The following MAGI1 variants were observed in gnomAD, a reference collection of about 807,000 sequenced individuals.
The protein encoded by MAGI1 is membrane-associated guanylate kinase, WW and PDZ domain-containing protein 1.
Under a neutral mutation model 139.9 loss-of-function variants are expected in MAGI1, and 58 were observed. The observed-to-expected ratio is 0.41, with a 90% CI of 0.34 to 0.52. The LOEUF (loss-of-function observed/expected upper bound fraction) is 0.52. Among genes scored for constraint, MAGI1 ranks in the 20% least tolerant of loss-of-function variants. The pLI is 0.12. For missense variants in MAGI1, 1,874 were observed against 1,901.6 expected (o/e 0.99, Z 0.27); for synonymous variants, 812 against 737.9 (o/e 1.10, Z -1.63).
Position 65,550,386 on chromosome 3 carries a change from T to C in MAGI1, c.431-56755A>G, listed in dbSNP as rs571641736. 9.8e-5 allele frequency among the ~76,000 whole-genome samples: 15 copies of C among 152,308 alleles called. No homozygotes were observed. In the East Asian group the frequency reaches 2.9e-3, roughly 29 times the overall value. ...CATGCTACTGTTTTTAGTAAACTTC[T>C]AAGGCCAAGAGGGCATCACACCCTT... On this transcript the variant is annotated intron_variant, in intron 2 of 22. Coordinates refer to ENST00000402939, the MANE Select transcript of MAGI1 (RefSeq NM_001033057.2).
intron 1 of MAGI1, among the ~76,000 whole-genome samples, chr3:65,808,049 G>T (rs1455682060): frequency 6.6e-6 from 1 of 151,274 alleles, no homozygotes; most frequent in African/African-American, 2.4e-5. Flanking sequence ...AGGCTGGAGT[G>T]ATCTTGGCTC....
In MAGI1 at chr3:65,551,350, G is replaced by C. The variant is rs147822890; in HGVS notation, c.431-57719C>G. The stretch of plus-strand genomic sequence containing the variant: ...GAGTCTCACACGGTCACCCAGGCTG[G>C]AGTGCAGTCGCATGATCTTGGCTCA... On this transcript the variant is annotated intron_variant, in intron 2 of 22. Coordinates refer to ENST00000402939, the MANE Select transcript of MAGI1 (RefSeq NM_001033057.2). 5.6e-3 allele frequency among the ~76,000 whole-genome samples: 847 copies of C among 152,236 alleles called. 6 individuals are homozygous for C. The highest frequency in any genetic ancestry group is 0.019 in the African/African-American group (806 of 41,554).
In MAGI1 at chr3:65,991,063, C is replaced by T. The variant is rs542417080; in HGVS notation, c.313+46933G>A. ...CAGCACTTTGGGAGGCCAAGGTGGG[C>T]AGATCACTTGAGGTCAGGAGTTGGA... On this transcript the variant is annotated intron_variant, in intron 1 of 22. Transcript: ENST00000402939. Among the ~76,000 whole-genome samples the T allele has an allele frequency of 4.6e-5, 7 of 151,988 alleles. No individual in the cohort carries two copies. In the South Asian group the frequency reaches 1.5e-3, roughly 32 times the overall value.
At chr3:65,626,712 C>G (rs1181173162) in intron 1 of MAGI1, among the ~76,000 whole-genome samples, 4 of 152,308 alleles carry the variant, frequency 2.6e-5, no homozygotes, top group East Asian at 1.9e-4. Context: ...GGTCATCAAA[C>G]TAAAACTCCC....
chr3:65,997,500 C>T (rs976005737), intron 1 of MAGI1, among the ~76,000 whole-genome samples: 24 of 151,898 alleles, frequency 1.6e-4, no homozygotes, highest in African/African-American at 5.1e-4. Context: ...ACTAAATATA[C>T]AAAAAATTAG....
At chr3:65,627,089 A>C (rs2084008599) in intron 1 of MAGI1, among the ~76,000 whole-genome samples, 2 of 152,214 alleles carry the variant, frequency 1.3e-5, no homozygotes, top group Non-Finnish European at 1.5e-5. Context: ...GTCCAAAATT[A>C]CAACGCCGTA....
chr3:65,540,161 T>C (rs1331938923), intron 2 of MAGI1, among the ~76,000 whole-genome samples: 2 of 152,216 alleles, frequency 1.3e-5, no homozygotes, highest in Admixed American at 1.3e-4. Context: ...ACTTATGCTA[T>C]ATGTTATGTT....
At chr3:65,511,257 A>C (rs935959401) in intron 2 of MAGI1, among the ~76,000 whole-genome samples, 2 of 150,272 alleles carry the variant, frequency 1.3e-5, no homozygotes, top group African/African-American at 4.8e-5. Context: ...TAATGAGCAA[A>C]ATAACCAGCT....
intron 1 of MAGI1, among the ~76,000 whole-genome samples, chr3:65,809,760 C>CA (rs2108186516): frequency 6.6e-6 from 1 of 152,276 alleles, no homozygotes; most frequent in Admixed American, 6.5e-5. Context: ...ATTATGCAGG[C>CA]AAAACAGATA....
In MAGI1 at chr3:65,587,502, G is replaced by C. The variant is rs1465628615; in HGVS notation, c.430+34470C>G. Among the ~76,000 whole-genome samples, 3 of 24,120 alleles carry C rather than the reference G, an allele frequency of 1.2e-4. No homozygotes were observed. In the Admixed American group the frequency reaches 1.3e-3, roughly 11 times the overall value. The allele number at this position is 24,120 out of a possible 152,430, so 15.8% of individuals were successfully genotyped here. ...TTCTTTTTTTTTTTTTTTTTTTTTT[G>C]AGACAGGGTCTCGCTCTGTCGCCCA... On this transcript the variant is annotated intron_variant, in intron 2 of 22. Transcript: ENST00000402939.
intron 1 of MAGI1, among the ~76,000 whole-genome samples, chr3:65,672,495 G>A (rs1294067646): frequency 1.3e-5 from 2 of 152,150 alleles, no homozygotes; most frequent in Non-Finnish European, 2.9e-5. Context: ...ATACCCATGT[G>A]TAAAAATAGG....
intron 1 of MAGI1, among the ~76,000 whole-genome samples, chr3:65,962,803 C>T (rs1189105529): frequency 8.2e-6 from 1 of 121,238 alleles, no homozygotes; most frequent in Non-Finnish European, 1.6e-5. Context: ...CCAGCCTGGG[C>T]AACAGAGCGA....
chr3:65,824,463 T>A (rs2372151), intron 1 of MAGI1, among the ~76,000 whole-genome samples: 72,262 of 152,028 alleles, frequency 0.48, 18,622 homozygotes, highest in East Asian at 0.77. Context: ...AGGCCCCAGG[T>A]GAATTCCCAA....
intron 2 of MAGI1, among the ~76,000 whole-genome samples, chr3:65,608,900 C>T (rs750831474): frequency 5.9e-5 from 9 of 152,146 alleles, no homozygotes; most frequent in Non-Finnish European, 1.3e-4. Context: ...TCAAAGACTA[C>T]ACAGCAATTA....
At chr3:65,402,956 C>T (rs1478885070) in intron 12 of MAGI1, among the ~76,000 whole-genome samples, 7 of 151,980 alleles carry the variant, frequency 4.6e-5, no homozygotes, top group Non-Finnish European at 1.0e-4. Flanking sequence ...CACTGGGGGC[C>T]GAGGAATCTG....
At chr3:65,593,830 G>T (rs1191000380) in intron 2 of MAGI1, among the ~76,000 whole-genome samples, 1 of 152,150 alleles carries the variant, frequency 6.6e-6, no homozygotes, top group Non-Finnish European at 1.5e-5. Flanking sequence ...TATTGAAAGA[G>T]AAATAATTTA....
chr3:66,026,959 T>C (rs921058180), intron 1 of MAGI1, among the ~76,000 whole-genome samples: 2 of 151,934 alleles, frequency 1.3e-5, no homozygotes, highest in African/African-American at 2.4e-5. Flanking sequence ...CTTTTTTTTT[T>C]CTTCTTTTTC....
At chr3:65,615,742 T>G (rs776051698) in intron 2 of MAGI1, among the ~76,000 whole-genome samples, 11 of 152,286 alleles carry the variant, frequency 7.2e-5, no homozygotes, top group Middle Eastern at 3.4e-3. Context: ...CCAAATCACA[T>G]CTAAACAAAA....
At chr3:65,527,622 G>T (rs777629897) in intron 2 of MAGI1, among the ~76,000 whole-genome samples, 4 of 152,178 alleles carry the variant, frequency 2.6e-5, no homozygotes, top group Non-Finnish European at 4.4e-5. Context: ...CTACTAGGGA[G>T]GCTGAGGCAA....
Sources: gnomAD v4.1 joint callset for allele counts (sites outside exome capture counted in the v4.1 genomes callset) on GRCh38, gnomAD v4.1.1 for gene constraint, MANE v1.5 for transcripts, NCBI Gene and HGNC (gene_info 2026-07-23, HGNC 2026-07-21) for gene names.